Variants in DNAJC9 observed in about 807,000 individuals in gnomAD.
DNAJC9 encodes DnaJ heat shock protein family (Hsp40) member C9.
DNAJC9 carries 18 observed loss-of-function variants against 32.4 expected under a neutral mutation model. That is an observed-to-expected ratio of 0.56 (90% CI 0.38 to 0.82). DNAJC9 has a LOEUF of 0.82. DNAJC9 is among the 40% of genes least tolerant of loss of function. The pLI is 0.00. For missense variants in DNAJC9, 310 were observed against 321.8 expected (o/e 0.96, Z 0.28); for synonymous variants, 113 against 122.1 (o/e 0.93, Z 0.49).
Position 73,246,682 on chromosome 10 carries a change from C to T in DNAJC9, c.321+6G>A, listed in dbSNP as rs1348548253. ...CAGTCACAAAGAAACCTCCAGAGTC[C>T]TTTACCTTTTTAAAGAGTAGCCGCC... On this transcript the variant is annotated splice_donor_region_variant and intron_variant, in intron 2 of 4. Coordinates refer to ENST00000372950, the MANE Select transcript of DNAJC9 (RefSeq NM_015190.5). The T allele has an allele frequency of 1.4e-5, 22 of 1,613,742 alleles. No homozygotes were observed. Among genetic ancestry groups the T allele is most frequent in the Non-Finnish European group, 1.9e-5 (22 of 1,179,862 alleles).
At chr10:73,239,336 T>C (rs1223058715), downstream of DNAJC9, 2 of 1,551,742 alleles carry the variant, frequency 1.3e-6, no homozygotes, top group Non-Finnish European at 1.7e-6. Flanking sequence ...TCGTCGCTCA[T>C]GTGCAGTTGA....
chr10:73,235,611 A>G, downstream of DNAJC9: 1 of 397,696 alleles, frequency 2.5e-6, no homozygotes, highest in Non-Finnish European at 4.2e-6. Context: ...GATAAGCATA[A>G]CTTTATTATG....
At chr10:73,233,134 T>A in intron 2 of DNAJC9, 1 of 1,551,756 alleles carries the variant, frequency 6.4e-7, no homozygotes, top group South Asian at 1.2e-5. Context: ...CACCAAGATC[T>A]GTGGAAGAAA....
At chr10:73,241,135 A>G (rs569488098), downstream of DNAJC9, 2 of 717,464 alleles carry the variant, frequency 2.8e-6, no homozygotes, top group South Asian at 3.1e-5. Context: ...ATCTTCATGA[A>G]GAGTGATTTT....
intron 1 of DNAJC9, 28 bp from the exon 2 acceptor site, chr10:73,246,856 C>A: frequency 6.2e-7 from 1 of 1,612,384 alleles, no homozygotes; most frequent in East Asian, 2.2e-5. Flanking sequence ...CCGTAAATCA[C>A]CCCTGCTCCT....
chr10:73,240,495 G>A (rs184586390), downstream of DNAJC9, among the ~76,000 whole-genome samples: 26 of 152,224 alleles, frequency 1.7e-4, no homozygotes, highest in African/African-American at 5.5e-4. Context: ...GGCGGATCAC[G>A]AGGTCAGCAT....
chr10:73,236,184 A>G (rs1412464768), downstream of DNAJC9, among the ~76,000 whole-genome samples: 1 of 151,770 alleles, frequency 6.6e-6, no homozygotes, highest in Non-Finnish European at 1.5e-5. Flanking sequence ...AGACCTCTGT[A>G]TTAGTTTCCT....
At chr10:73,240,926 T>C, downstream of DNAJC9, 1 of 1,428,504 alleles carries the variant, frequency 7.0e-7, no homozygotes, top group South Asian at 1.2e-5. Context: ...CTACTAATGT[T>C]ACTCTATGTC....
Position 73,247,225 on chromosome 10 carries a change from C to T in DNAJC9, c.-36G>A. The T allele has an allele frequency of 1.9e-6, 3 of 1,567,000 alleles. No individual in the cohort carries two copies. Among genetic ancestry groups the T allele is most frequent in the Non-Finnish European group, 1.7e-6 (2 of 1,156,978 alleles). On this transcript the variant is annotated 5_prime_UTR_variant, in exon 1 of 5. Transcript: ENST00000372950. ...GATACGACCCCGGAGGAAGCAGCCG[C>T]TCCCAGCTGCGCCGGGTACAACCCA...
chr10:73,245,824 T>A, intron 3 of DNAJC9, 98 bp downstream of exon 3: 1 of 1,473,188 alleles, frequency 6.8e-7, no homozygotes. Context: ...CCCTAGTCCT[T>A]ATTTCTGGAG....
At chr10:73,233,092 T>G in intron 2 of DNAJC9, 1 of 1,551,638 alleles carries the variant, frequency 6.4e-7, no homozygotes, top group Non-Finnish European at 8.7e-7. Context: ...GAACTCTTCA[T>G]CCGATCAGCA....
chr10:73,236,071 G>A (rs2043813969), downstream of DNAJC9, among the ~76,000 whole-genome samples: 1 of 152,164 alleles, frequency 6.6e-6, no homozygotes, highest in Non-Finnish European at 1.5e-5. Context: ...GGATGGTAGT[G>A]TTTGCAGCAC....
chr10:73,240,471 C>G (rs189210260), downstream of DNAJC9, among the ~76,000 whole-genome samples: 308 of 152,184 alleles, frequency 2.0e-3, no homozygotes, highest in Non-Finnish European at 3.3e-3. Context: ...CCAGCACTTT[C>G]GGAGGCCAAG....
downstream of DNAJC9, chr10:73,239,385 G>A: frequency 6.4e-7 from 1 of 1,551,198 alleles, no homozygotes; most frequent in Non-Finnish European, 8.7e-7. Flanking sequence ...GGATCTGCAG[G>A]TAAAGGTGGG....
chr10:73,237,612 G>A (rs927615607), downstream of DNAJC9, among the ~76,000 whole-genome samples: 24 of 152,172 alleles, frequency 1.6e-4, no homozygotes, highest in African/African-American at 5.5e-4. Flanking sequence ...AGTAAAGACA[G>A]TGTTTCTCCA....
chr10:73,243,768 A>G lies in DNAJC9; in HGVS notation c.663+75T>C, dbSNP rs1052611575. 2.9e-6 allele frequency: 4 copies of G among 1,393,610 alleles called. No individual in the cohort carries two copies. In the African/African-American group the frequency reaches 5.8e-5, roughly 20 times the overall value. The allele number at this position is 1,393,610 out of a possible 1,614,324, so 86.3% of individuals were successfully genotyped here. On this transcript the variant is annotated intron_variant, in intron 4 of 4. Transcript: ENST00000372950. The stretch of plus-strand genomic sequence containing the variant: ...TTATGTCTTAAAAGAAGAAAACAAA[A>G]TACAACATTCCAAAGAAAATATTAG...
Position 73,242,532 on chromosome 10 carries a change from A to G in DNAJC9, c.*868T>C, listed in dbSNP as rs2043966523. On this transcript the variant is annotated 3_prime_UTR_variant, in exon 5 of 5. Coordinates refer to ENST00000372950, the MANE Select transcript of DNAJC9 (RefSeq NM_015190.5). The stretch of plus-strand genomic sequence containing the variant: ...AAAAAACTGGACATGTTTAATACAT[A>G]CAGTTTGACAAATTTGGATTTCACT... The G allele has an allele frequency of 1.3e-5, 2 of 151,688 alleles. No homozygotes were observed. Among genetic ancestry groups the G allele is most frequent in the South Asian group, 4.2e-4 (2 of 4,752 alleles). 9.4% of individuals were successfully genotyped at this position (151,688 alleles called of 1,614,324 possible). A position where few individuals can be genotyped will look rare whatever the true frequency, so the allele number is the denominator to read the frequency against.
intron 3 of DNAJC9, 22 bp from the exon 4 acceptor site, chr10:73,243,951 G>A (rs772571747): frequency 1.3e-5 from 21 of 1,596,874 alleles, no homozygotes; most frequent in Non-Finnish European, 8.6e-6. Context: ...ACTCACATGA[G>A]ACTCAGGGCC....
At chr10:73,235,033 C>T (rs1248484520), downstream of DNAJC9, 5 of 1,495,606 alleles carry the variant, frequency 3.3e-6, no homozygotes, top group East Asian at 1.2e-4. Flanking sequence ...TTGATTTATA[C>T]TGTGTTTTGT....
Sources: allele counts gnomAD v4.1 joint callset (sites outside exome capture counted in the v4.1 genomes callset), GRCh38; gene constraint gnomAD v4.1.1; transcripts MANE v1.5; gene names NCBI Gene and HGNC (gene_info 2026-07-23, HGNC 2026-07-21).